The following BYSL variants were observed in gnomAD, a reference collection of about 807,000 sequenced individuals.
The protein encoded by BYSL is bystin.
A neutral mutation model predicts 45.4 loss-of-function variants in BYSL; 21 were observed. The observed-to-expected ratio is 0.46, with a 90% CI of 0.33 to 0.67. The LOEUF is 0.67. Among genes scored for constraint, BYSL ranks in the 30% least tolerant of loss-of-function variants. The pLI, the probability that BYSL is intolerant of heterozygous loss-of-function variation, is 0.02. For synonymous variants in BYSL, 215 were observed against 231.3 expected, an observed-to-expected ratio of 0.93 and a Z score of 0.64; for missense variants, 522 against 578.5, an observed-to-expected ratio of 0.90 and a Z score of 1.00.
rs754699634 is a variant in BYSL at position 41,921,779 on chromosome 6, C to T, written c.217C>T (p.His73Tyr). Residue 73 changes from histidine to tyrosine, a missense_variant, in exon 1 of 7, where the codon CAT becomes TAT. By Grantham distance (83) the His-to-Tyr change is moderately conservative. Coordinates refer to ENST00000230340, the MANE Select transcript of BYSL (RefSeq NM_004053.4). ...GCAACAGGAGGAACTCGAGGCCGAG[C>T]ATGGGACTGGGGACAAGCCCGCGGC... ...RQQQEELEAE[H>Y]GTGDKPAAPR... 7 of 1,613,070 alleles carry T rather than the reference C, an allele frequency of 4.3e-6. No individual in the cohort carries two copies. In the South Asian group the frequency reaches 5.5e-5, roughly 13 times the overall value.
chr6:41,924,725 C>T (rs1348146130), intron 1 of BYSL, among the ~76,000 whole-genome samples: 2 of 152,064 alleles, frequency 1.3e-5, no homozygotes, highest in Non-Finnish European at 2.9e-5. Flanking sequence ...CAGGGCTGAT[C>T]AAATCAAATA....
At chr6:41,916,955 C>G (rs1188127898), upstream of BYSL, 11 of 1,613,466 alleles carry the variant, frequency 6.8e-6, no homozygotes, top group Non-Finnish European at 8.5e-6. Context: ...AAGGAGAGCA[C>G]CAAATCGTCA....
intron 1 of BYSL, among the ~76,000 whole-genome samples, chr6:41,923,018 T>G (rs143806746): frequency 7.4e-4 from 112 of 152,308 alleles, no homozygotes; most frequent in African/African-American, 2.5e-3. Context: ...TCAAAGTGTA[T>G]CCAAAATGAG....
At chr6:41,923,524 T>C (rs1398566373) in intron 1 of BYSL, among the ~76,000 whole-genome samples, 2 of 152,298 alleles carry the variant, frequency 1.3e-5, no homozygotes, top group East Asian at 3.9e-4. Flanking sequence ...CTTGAACTCC[T>C]GACTTCAGGT....
chr6:41,929,606 A>C (rs936715248), intron 2 of BYSL, among the ~76,000 whole-genome samples: 6 of 152,226 alleles, frequency 3.9e-5, no homozygotes, highest in Non-Finnish European at 8.8e-5. Flanking sequence ...TGTTTGATAC[A>C]CCCAACAATA....
the BYSL span, among the ~76,000 whole-genome samples, chr6:41,913,791 G>A: frequency 1.3e-5 from 2 of 152,104 alleles, no homozygotes; most frequent in Non-Finnish European, 1.5e-5. Context: ...CCAGCTACTC[G>A]GGAGGCTGAG....
rs777502150 is a variant in BYSL at position 41,931,474 on chromosome 6, C to T, written c.783C>T (p.Asp261=). 36 of 1,606,476 alleles carry T rather than the reference C, an allele frequency of 2.2e-5. No homozygotes were observed. Among genetic ancestry groups the T allele is most frequent in the Admixed American group, 3.3e-5 (2 of 59,798 alleles). ...NLVLLPRVRD[D]VAEYKRLNFH... ...TCCTGCTCCCTCGAGTACGAGATGACGTTGCTGAATACAAACGACTCAACT... is the reference window on the plus strand; with the variant it reads ...TCCTGCTCCCTCGAGTACGAGATGATGTTGCTGAATACAAACGACTCAACT... Residue 261 remains aspartate (D), a synonymous_variant, in exon 5 of 7, where the codon GAC becomes GAT. Coordinates refer to ENST00000230340, the MANE Select transcript of BYSL (RefSeq NM_004053.4).
At chr6:41,918,721 G>A (rs1775380098), upstream of BYSL, among the ~76,000 whole-genome samples, 1 of 151,576 alleles carries the variant, frequency 6.6e-6, no homozygotes, top group African/African-American at 2.4e-5. Flanking sequence ...GCCGAGGCGG[G>A]TGGATCATGA....
intron 3 of BYSL, 67 bp downstream of exon 3, chr6:41,930,337 TTTTTGCC>T: frequency 6.4e-7 from 1 of 1,564,144 alleles, no homozygotes; most frequent in East Asian, 2.3e-5. Context: ...GCCACAGGCT[TTTTTGCC>T]TTTTGCCTGC....
chr6:41,926,978 C>G (rs1775572714), intron 1 of BYSL, among the ~76,000 whole-genome samples: 1 of 151,384 alleles, frequency 6.6e-6, no homozygotes, highest in African/African-American at 2.4e-5. Flanking sequence ...CCTGTAGTCC[C>G]AGCTGCTTGG....
upstream of BYSL, chr6:41,916,984 T>C (rs766378844): frequency 6.2e-7 from 1 of 1,608,400 alleles, no homozygotes; most frequent in African/African-American, 1.3e-5. Flanking sequence ...GAGACACACG[T>C]GTGCTCACTG....
intron 4 of BYSL, among the ~76,000 whole-genome samples, chr6:41,931,026 A>G (rs546527316): frequency 7.2e-6 from 1 of 138,906 alleles, no homozygotes; most frequent in South Asian, 2.3e-4. Flanking sequence ...ACCCTCTGTG[A>G]TGAATTTCTA....
At position 41,921,525 on chromosome 6, in the gene BYSL, C is replaced by T. The variant is rs951489652; in HGVS notation, c.-38C>T. 2.3e-5 allele frequency: 35 copies of T among 1,543,604 alleles called. No homozygotes were observed. The highest frequency in any genetic ancestry group is 2.8e-5 in the Non-Finnish European group (32 of 1,144,008). ...AGCGCATCCTGGCCTTTCTTCAGTC[C>T]CCACGTGCGATCCTTCCCGGCAACT... is the stretch of plus-strand genomic sequence containing the variant. On this transcript the variant is annotated 5_prime_UTR_variant, in exon 1 of 7. Coordinates refer to ENST00000230340, the MANE Select transcript of BYSL (RefSeq NM_004053.4).
rs770452710 is a variant in BYSL, at chr6:41,932,633, C to T, written c.1241C>T (p.Ser414Leu). 1.4e-5 allele frequency: 22 copies of T among 1,614,106 alleles called. No homozygotes were observed. Among genetic ancestry groups the T allele is most frequent in the Admixed American group, 1.7e-5 (1 of 60,010 alleles). ...CGGCTGCAGCCCCATCCACAGCTAT[C>T]GCCCGAAATCAGGCGTGAGCTTCAG... ...LLRLQPHPQL[S>L]PEIRRELQSA... is the part of the protein sequence containing the mutation. The change falls in exon 7 of 7, where the codon TCG becomes TTG. Residue 414 changes from serine (S) to leucine (L), a missense_variant. By Grantham distance (145) the Ser-to-Leu change is moderately radical. Coordinates refer to ENST00000230340, the MANE Select transcript of BYSL (RefSeq NM_004053.4). This position sits in a 1 kb window ranked among gnomAD's most constrained non-coding sequence, Gnocchi z 4.7.
chr6:41,927,687 A>G (rs1028791613), intron 2 of BYSL, 151 bp downstream of exon 2: 8 of 867,896 alleles, frequency 9.2e-6, no homozygotes, highest in Non-Finnish European at 1.7e-6. Context: ...CCCATCCTCA[A>G]AGGACCACTG....
At chr6:41,926,939 C>G (rs192420217) in intron 1 of BYSL, among the ~76,000 whole-genome samples, 70 of 151,226 alleles carry the variant, frequency 4.6e-4, no homozygotes, top group Admixed American at 3.9e-3. Flanking sequence ...ACTAAAAATA[C>G]AAAAAATTAG....
chr6:41,922,878 G>A (rs1030357609), intron 1 of BYSL, among the ~76,000 whole-genome samples: 1 of 152,104 alleles, frequency 6.6e-6, no homozygotes, highest in African/African-American at 2.4e-5. Context: ...CCCTGTCTCA[G>A]TTAGTAGCAT....
intron 1 of BYSL, 78 bp from the exon 2 acceptor site, chr6:41,927,296 A>G (rs1323433514): frequency 1.3e-6 from 2 of 1,551,050 alleles, no homozygotes; most frequent in African/African-American, 1.4e-5. Context: ...CCTGTACTAC[A>G]TAATGGCTAA....
At chr6:41,930,965 C>A (rs548699349) in intron 4 of BYSL, among the ~76,000 whole-genome samples, 197 bp downstream of exon 4, 1 of 152,216 alleles carries the variant, frequency 6.6e-6, no homozygotes, top group Non-Finnish European at 1.5e-5. Flanking sequence ...CAGTTAGGAA[C>A]CCTCCGTGAT....
Sources: gnomAD v4.1 joint callset for allele counts (sites outside exome capture counted in the v4.1 genomes callset) on GRCh38, gnomAD v4.1.1 for gene constraint, Gnocchi (gnomAD v3.1) non-coding constraint, MANE v1.5 for transcripts, NCBI Gene and HGNC (gene_info 2026-07-23, HGNC 2026-07-21) for gene names.